MARCHF1: variants seen among roughly 807,000 people sequenced by gnomAD.
MARCHF1 encodes the protein membrane associated ring-CH-type finger 1, also known as E3 ubiquitin-protein ligase MARCHF1.
In MARCHF1, 40 loss-of-function variants were observed where a neutral mutation model predicts 54.2. The observed-to-expected ratio is 0.74, with a 90% CI of 0.57 to 0.96. The LOEUF (loss-of-function observed/expected upper bound fraction) is 0.96. MARCHF1 is among the 40% of genes least tolerant of loss of function. The pLI, the probability that MARCHF1 is intolerant of heterozygous loss-of-function variation, is 0.00. For synonymous variants in MARCHF1, 236 were observed against 236.3 expected (o/e 1.00, Z 0.01); for missense variants, 586 against 656.5 (o/e 0.89, Z 1.17).
chr4:163,578,356 G>T (rs547400803), intron 8 of MARCHF1, among the ~76,000 whole-genome samples: 44 of 152,036 alleles, frequency 2.9e-4, no homozygotes, highest in Non-Finnish European at 5.9e-4. Flanking sequence ...GAAAGAAACA[G>T]AATTAACAGA....
chr4:164,074,896 TATTTCTTATAAAATA>T (rs1353292750), intron 2 of MARCHF1, among the ~76,000 whole-genome samples: 8 of 150,786 alleles, frequency 5.3e-5, no homozygotes, highest in African/African-American at 4.8e-5. Context: ...ATATAAAATA[TATTTCTTATAAAATA>T]ATTTCTTATA....
intron 1 of MARCHF1, among the ~76,000 whole-genome samples, chr4:164,231,611 G>C (rs569657690): frequency 2.0e-5 from 3 of 152,206 alleles, no homozygotes; most frequent in African/African-American, 7.2e-5. Context: ...TTAGAAATGA[G>C]TATAGACATT....
Position 164,352,874 on chromosome 4 carries a change from G to A in MARCHF1, c.-323+30996C>T, listed in dbSNP as rs1349478422. Among the ~76,000 whole-genome samples, 9 of 89,962 alleles carry A rather than the reference G, an allele frequency of 1.0e-4. 1 individual carries two copies. Among genetic ancestry groups the A allele is most frequent in the African/African-American group, 2.0e-4 (6 of 29,566 alleles). 59.0% of individuals were successfully genotyped at this position (89,962 alleles called of 152,430 possible). A position where few individuals can be genotyped will look rare whatever the true frequency, so the allele number is the denominator to read the frequency against. ...GCTGTATTCAGGAAACCCATCTCAC[G>A]TGCAGAGACGCACATAGGCTCAAAA... On this transcript the variant is annotated intron_variant, in intron 1 of 9. Transcript: ENST00000514618.
intron 3 of MARCHF1, among the ~76,000 whole-genome samples, chr4:163,929,120 C>G (rs1343087868): frequency 1.3e-5 from 2 of 151,988 alleles, no homozygotes; most frequent in Non-Finnish European, 2.9e-5. Flanking sequence ...TTTCTCTCAT[C>G]AAACTTTCAT....
At chr4:164,309,072 A>G (rs1452020730) in intron 1 of MARCHF1, among the ~76,000 whole-genome samples, 1 of 152,090 alleles carries the variant, frequency 6.6e-6, no homozygotes, top group African/African-American at 2.4e-5. Flanking sequence ...TAGATGATTG[A>G]TAGGTATGGA....
chr4:163,575,691 T>A (rs1189086649), intron 8 of MARCHF1, among the ~76,000 whole-genome samples: 5 of 145,174 alleles, frequency 3.4e-5, no homozygotes, highest in African/African-American at 1.0e-4. Flanking sequence ...GCTTTTTAAA[T>A]TTTTTTTTTT....
chr4:164,075,286 T>C lies in MARCHF1; in HGVS notation c.-248+36302A>G, dbSNP rs80014999. Among the ~76,000 whole-genome samples, 1,303 of 152,338 alleles carry C rather than the reference T, an allele frequency of 8.6e-3. 20 individuals carry two copies. Among genetic ancestry groups the C allele is most frequent in the East Asian group, 0.052 (268 of 5,184 alleles). On this transcript the variant is annotated intron_variant, in intron 2 of 9. Transcript: ENST00000514618. ...CCCAAACTGTATCCACACCCTTTTG[T>C]CATGTAGTGACCTCCGGCTCTAGTT... is the stretch of plus-strand genomic sequence containing the variant.
intron 4 of MARCHF1, among the ~76,000 whole-genome samples, chr4:163,798,411 T>C (rs1747984064): frequency 6.6e-6 from 1 of 152,186 alleles, no homozygotes; most frequent in Non-Finnish European, 1.5e-5. Flanking sequence ...TATTTTGTTA[T>C]GGAAGTCTTA....
intron 1 of MARCHF1, among the ~76,000 whole-genome samples, chr4:164,151,820 C>T (rs1487241328): frequency 6.6e-6 from 1 of 152,098 alleles, no homozygotes; most frequent in East Asian, 1.9e-4. Context: ...CGTCCTAATT[C>T]CCTAGCCTCT....
chr4:164,314,766 A>G (rs1208629213), intron 1 of MARCHF1, among the ~76,000 whole-genome samples: 6 of 152,114 alleles, frequency 3.9e-5, no homozygotes, highest in Non-Finnish European at 7.4e-5. Context: ...TCTTAGTTGT[A>G]TATTTAACAT....
At chr4:163,896,981 T>C (rs1750820909) in intron 3 of MARCHF1, among the ~76,000 whole-genome samples, 1 of 152,202 alleles carries the variant, frequency 6.6e-6, no homozygotes, top group Non-Finnish European at 1.5e-5. Flanking sequence ...TTCTTGAATA[T>C]TTGAGCTCTT....
intron 2 of MARCHF1, among the ~76,000 whole-genome samples, chr4:164,057,832 C>A (rs1000072054): frequency 1.3e-5 from 2 of 152,104 alleles, no homozygotes; most frequent in African/African-American, 4.8e-5. Flanking sequence ...ACACCCTTAG[C>A]TGACAAAAGA....
intron 2 of MARCHF1, among the ~76,000 whole-genome samples, chr4:164,030,250 CT>C (rs568521391): frequency 2.6e-5 from 4 of 151,582 alleles, no homozygotes; most frequent in South Asian, 2.1e-4. Context: ...TCAAAAGATG[CT>C]TTTTTTGGAA....
chr4:164,126,689 G>C (rs1756189602), intron 1 of MARCHF1, among the ~76,000 whole-genome samples: 1 of 152,146 alleles, frequency 6.6e-6, no homozygotes, highest in Non-Finnish European at 1.5e-5. Context: ...TCGGTCTTCT[G>C]GAAAAAGGCT....
intron 3 of MARCHF1, among the ~76,000 whole-genome samples, chr4:163,916,446 T>C (rs1697662426): frequency 6.6e-6 from 1 of 151,836 alleles, no homozygotes; most frequent in Non-Finnish European, 1.5e-5. Flanking sequence ...GGTGCACAGG[T>C]GTGTAAGGGT....
At chr4:164,017,156 G>T (rs1045089021) in intron 2 of MARCHF1, among the ~76,000 whole-genome samples, 1 of 151,890 alleles carries the variant, frequency 6.6e-6, no homozygotes, top group Non-Finnish European at 1.5e-5. Context: ...AAGGAGTAAA[G>T]ATGGGGCACT....
rs189302178 is a variant in MARCHF1 at position 163,778,879 on chromosome 4, A to G, written c.111+75142T>C. 1.7e-3 allele frequency among the ~76,000 whole-genome samples: 256 copies of G among 152,246 alleles called. 1 individual carries two copies. The highest frequency in any genetic ancestry group is 5.9e-3 in the African/African-American group (246 of 41,554). On this transcript the variant is annotated intron_variant, in intron 4 of 9. Transcript: ENST00000514618. ...TGAGAGGGTGGGAGGGGGGTATATGATGAGAGATTATGTAACGGGTACAAT... is the reference window on the plus strand; with the variant it reads ...TGAGAGGGTGGGAGGGGGGTATATGGTGAGAGATTATGTAACGGGTACAAT...
At chr4:163,751,460 G>A (rs891566893) in intron 4 of MARCHF1, among the ~76,000 whole-genome samples, 1 of 151,790 alleles carries the variant, frequency 6.6e-6, no homozygotes, top group Admixed American at 6.6e-5. Context: ...AATATGTAGA[G>A]AATGCAAGTT....
chr4:163,762,070 T>C (rs1302425923), intron 4 of MARCHF1, among the ~76,000 whole-genome samples: 2 of 152,174 alleles, frequency 1.3e-5, no homozygotes, highest in East Asian at 3.9e-4. Flanking sequence ...AATGCCATAC[T>C]CTTAACTAGC....
Sources: allele counts gnomAD v4.1 joint callset (sites outside exome capture counted in the v4.1 genomes callset), GRCh38; gene constraint gnomAD v4.1.1; transcripts MANE v1.5; gene names NCBI Gene and HGNC (gene_info 2026-07-23, HGNC 2026-07-21).